The following COG5 variants were observed in gnomAD, a reference collection of about 807,000 sequenced individuals.
COG5 encodes component of oligomeric golgi complex 5.
In COG5, 86 loss-of-function variants were observed where a neutral mutation model predicts 110.4. The ratio of observed to expected loss-of-function variants is 0.78; its 90% CI spans 0.65 to 0.93. COG5 has a LOEUF of 0.93. COG5 is among the 40% of genes least tolerant of loss of function. COG5 has a pLI of 0.00. For synonymous variants in COG5, 360 were observed against 334.6 expected, an observed-to-expected ratio of 1.08 and a Z score of -0.83; for missense variants, 1,077 against 987.0, an observed-to-expected ratio of 1.09 and a Z score of -1.22.
chr7:107,512,288 C>T (rs538104059), intron 6 of COG5, among the ~76,000 whole-genome samples: 24 of 152,264 alleles, frequency 1.6e-4, no homozygotes, highest in African/African-American at 5.5e-4. Flanking sequence ...AGTGAACTCC[C>T]ATTCACAATT....
At chr7:107,224,823 C>CA (rs1185434113) in intron 19 of COG5, among the ~76,000 whole-genome samples, 2 of 152,338 alleles carry the variant, frequency 1.3e-5, no homozygotes, top group Admixed American at 6.5e-5. Context: ...AGGGGCAAAT[C>CA]ACTAATGTCA....
intron 6 of COG5, among the ~76,000 whole-genome samples, chr7:107,505,658 T>C (rs927180513): frequency 1.3e-5 from 2 of 152,212 alleles, no homozygotes; most frequent in Non-Finnish European, 2.9e-5. Flanking sequence ...AGCTGCAGAC[T>C]TTCCTTGCTG....
At chr7:107,330,730 C>A (rs1584687156) in intron 10 of COG5, among the ~76,000 whole-genome samples, 1 of 151,866 alleles carries the variant, frequency 6.6e-6, no homozygotes, top group African/African-American at 2.4e-5. Context: ...CTTCATCTTT[C>A]TGAGCTTTTG....
chr7:107,559,234 AT>A (rs1241693204), intron 1 of COG5, among the ~76,000 whole-genome samples: 2 of 152,214 alleles, frequency 1.3e-5, no homozygotes, highest in African/African-American at 4.8e-5. Flanking sequence ...GTAATACCAG[AT>A]GTTAAAAAGA....
At chr7:107,481,431 C>T (rs533434918) in intron 6 of COG5, among the ~76,000 whole-genome samples, 5 of 152,084 alleles carry the variant, frequency 3.3e-5, no homozygotes, top group East Asian at 1.9e-4. Context: ...CCATATTAAA[C>T]GTAGACTGTA....
rs980170234 is a variant in COG5, at chr7:107,473,997, G to C, written c.538+53240C>G. The C allele has an allele frequency of 1.4e-5, 11 of 801,234 alleles. No homozygotes were observed. The Admixed American group carries it at 3.0e-4, about 22-fold the overall frequency. The allele number at this position is 801,234 out of a possible 1,614,324, so 49.6% of individuals were successfully genotyped here. A position where few individuals can be genotyped will look rare whatever the true frequency, so the allele number is the denominator to read the frequency against. ...GAACACGTTATACGTCATTTAAATT[G>C]CCAAATATCAAATAGTTTATTCTAT... is the stretch of plus-strand genomic sequence containing the variant. On this transcript the variant is annotated intron_variant, in intron 6 of 21. Coordinates refer to ENST00000297135, the MANE Select transcript of COG5 (RefSeq NM_006348.5).
intron 17 of COG5, 80 bp from the exon 18 acceptor site, chr7:107,236,767 T>C: frequency 2.3e-6 from 2 of 888,716 alleles, no homozygotes; most frequent in Non-Finnish European, 3.8e-6. Context: ...TCCCCACCAA[T>C]GCTGCTATTT....
chr7:107,446,216 A>T (rs1237116227), intron 6 of COG5, among the ~76,000 whole-genome samples: 4 of 152,218 alleles, frequency 2.6e-5, no homozygotes, highest in Non-Finnish European at 5.9e-5. Flanking sequence ...CAAAAATAGT[A>T]AGTCCTGAGA....
At chr7:107,504,122 C>A (rs566549890) in intron 6 of COG5, among the ~76,000 whole-genome samples, 1 of 152,020 alleles carries the variant, frequency 6.6e-6, no homozygotes, top group Non-Finnish European at 1.5e-5. Context: ...AGTATGATGT[C>A]GGCTGTGGGT....
At chr7:107,400,789 C>T (rs921801824) in intron 7 of COG5, among the ~76,000 whole-genome samples, 1 of 151,966 alleles carries the variant, frequency 6.6e-6, no homozygotes, top group Non-Finnish European at 1.5e-5. Flanking sequence ...GTGGATTGTT[C>T]ACAACAAGAG....
intron 11 of COG5, among the ~76,000 whole-genome samples, chr7:107,315,962 T>C (rs1808695532): frequency 6.6e-6 from 1 of 152,206 alleles, no homozygotes; most frequent in Non-Finnish European, 1.5e-5. Flanking sequence ...ACAAGACAGA[T>C]AGGTCCCATA....
At chr7:107,335,828 T>C (rs1271185622) in intron 10 of COG5, among the ~76,000 whole-genome samples, 2 of 152,098 alleles carry the variant, frequency 1.3e-5, no homozygotes, top group East Asian at 1.9e-4. Flanking sequence ...ACTATACTTA[T>C]ATCAGATAAA....
chr7:107,456,167 T>C (rs1188440293), intron 6 of COG5, among the ~76,000 whole-genome samples: 1 of 152,166 alleles, frequency 6.6e-6, no homozygotes, highest in Non-Finnish European at 1.5e-5. Flanking sequence ...CTATCGGTTC[T>C]AACATAAGAA....
At chr7:107,422,173 C>G (rs2129073819) in intron 6 of COG5, among the ~76,000 whole-genome samples, 1 of 152,138 alleles carries the variant, frequency 6.6e-6, no homozygotes, top group Admixed American at 6.5e-5. Context: ...TTGAAAACAT[C>G]AATAAAATTT....
chr7:107,424,358 T>G (rs1034174324), intron 6 of COG5, among the ~76,000 whole-genome samples: 8 of 151,940 alleles, frequency 5.3e-5, no homozygotes, highest in Non-Finnish European at 1.2e-4. Flanking sequence ...GAAGGGAGGT[T>G]TCACATGGAA....
intron 10 of COG5, among the ~76,000 whole-genome samples, chr7:107,359,008 C>G (rs7804979): frequency 0.2 from 29,740 of 152,180 alleles, 3,103 homozygotes; most frequent in Non-Finnish European, 0.22. Flanking sequence ...GGGGCGACCT[C>G]TCTGGAGCAG....
In COG5 at chr7:107,533,572, G is replaced by A. The variant is rs144038371; in HGVS notation, c.418-6215C>T. On this transcript the variant is annotated intron_variant, in intron 5 of 21. Coordinates refer to ENST00000297135, the MANE Select transcript of COG5 (RefSeq NM_006348.5). ...AGTGGAAGAAAGGATATCAGAGACT[G>A]ACGATCAACTTAATGAAATAAAGCA... 1.7e-3 allele frequency among the ~76,000 whole-genome samples: 256 copies of A among 151,682 alleles called. 11 individuals carry two copies. Among genetic ancestry groups the A allele is most frequent in the African/African-American group, 5.9e-3 (240 of 40,980 alleles).
At chr7:107,256,638 C>T (rs950327558) in intron 16 of COG5, 94 bp downstream of exon 16, 1 of 789,612 alleles carries the variant, frequency 1.3e-6, no homozygotes, top group African/African-American at 1.7e-5. Flanking sequence ...ATAGAGGATT[C>T]TGAATTATTA....
chr7:107,322,859 A>T (rs968478353), intron 11 of COG5, among the ~76,000 whole-genome samples: 1 of 152,226 alleles, frequency 6.6e-6, no homozygotes, highest in Non-Finnish European at 1.5e-5. Context: ...ATATCTACAC[A>T]ATGGAATACA....
Sources: gnomAD v4.1 joint callset for allele counts (sites outside exome capture counted in the v4.1 genomes callset) on GRCh38, gnomAD v4.1.1 for gene constraint, MANE v1.5 for transcripts, NCBI Gene and HGNC (gene_info 2026-07-23, HGNC 2026-07-21) for gene names.